The following FBXO15 variants were observed in gnomAD, a reference collection of about 807,000 sequenced individuals.
The protein encoded by FBXO15 is F-box only protein 15.
A neutral mutation model predicts 49.5 loss-of-function variants in FBXO15; 30 were observed. The observed-to-expected ratio is 0.61, with a 90% CI of 0.45 to 0.82. The LOEUF is 0.82. Among genes scored for constraint, FBXO15 ranks in the 40% least tolerant of loss-of-function variants. The pLI, the probability that FBXO15 is intolerant of heterozygous loss-of-function variation, is 0.00. For missense variants in FBXO15, 591 were observed against 631.5 expected, an observed-to-expected ratio of 0.94 and a Z score of 0.69; for synonymous variants, 250 against 232.7, an observed-to-expected ratio of 1.07 and a Z score of -0.68.
chr18:74,128,652 G>T (rs1041495493), intron 5 of FBXO15, among the ~76,000 whole-genome samples: 2 of 152,210 alleles, frequency 1.3e-5, no homozygotes, highest in African/African-American at 2.4e-5. Flanking sequence ...AGATGAGGAT[G>T]CTATGCATGC....
intron 8 of FBXO15, among the ~76,000 whole-genome samples, chr18:74,119,139 G>A (rs111887635): frequency 0.013 from 1,962 of 152,310 alleles, 46 homozygotes; most frequent in African/African-American, 0.044. Flanking sequence ...CACAAGAAGG[G>A]CCAGCCTGCA....
At position 74,131,260 on chromosome 18, in the gene FBXO15, T is replaced by C. The variant is rs187746542; in HGVS notation, c.333-602A>G. ...AAGCATCGTTTAACCACTTTATGTA[T>C]TATACATGACTCATTTATTCCTCAG... is the stretch of plus-strand genomic sequence containing the variant. On this transcript the variant is annotated intron_variant, in intron 3 of 9. Coordinates refer to ENST00000419743, the MANE Select transcript of FBXO15 (RefSeq NM_001142958.2). Among the ~76,000 whole-genome samples, 402 of 152,356 alleles carry C rather than the reference T, an allele frequency of 2.6e-3. 1 individual carries two copies. The highest frequency in any genetic ancestry group is 6.7e-3 in the Admixed American group (103 of 15,304).
At chr18:74,111,629 A>G (rs1914036134) in intron 8 of FBXO15, among the ~76,000 whole-genome samples, 1 of 152,090 alleles carries the variant, frequency 6.6e-6, no homozygotes, top group Non-Finnish European at 1.5e-5. Context: ...TTAAGAAACT[A>G]GAAAAATGTG....
chr18:74,110,469 C>T (rs554951865), intron 8 of FBXO15, among the ~76,000 whole-genome samples: 23 of 151,046 alleles, frequency 1.5e-4, no homozygotes, highest in Non-Finnish European at 2.4e-4. Context: ...CTACAAAATG[C>T]GGAAAAAGCA....
intron 1 of FBXO15, among the ~76,000 whole-genome samples, chr18:74,145,772 G>C (rs1355354994): frequency 6.6e-6 from 1 of 151,794 alleles, no homozygotes; most frequent in Non-Finnish European, 1.5e-5. Flanking sequence ...TAATTTTTTT[G>C]TATTTTTAGT....
chr18:74,079,693 C>G (rs2145101267), intron 9 of FBXO15, among the ~76,000 whole-genome samples: 1 of 152,312 alleles, frequency 6.6e-6, no homozygotes, highest in East Asian at 1.9e-4. Context: ...AACTTATGAT[C>G]TGTTGAGTTT....
At chr18:74,103,876 G>T (rs1913632818) in intron 8 of FBXO15, among the ~76,000 whole-genome samples, 1 of 152,132 alleles carries the variant, frequency 6.6e-6, no homozygotes, top group Non-Finnish European at 1.5e-5. Flanking sequence ...AATGCTAAAA[G>T]GAGTTATTCA....
intron 2 of FBXO15, among the ~76,000 whole-genome samples, chr18:74,138,025 G>A (rs994164475): frequency 2.0e-5 from 3 of 151,944 alleles, no homozygotes; most frequent in Admixed American, 2.0e-4. Context: ...TCTGCACAAG[G>A]ACCTCAGCCT....
chr18:74,120,584 G>A (rs1238047377), intron 8 of FBXO15, among the ~76,000 whole-genome samples: 1 of 151,938 alleles, frequency 6.6e-6, no homozygotes, highest in Non-Finnish European at 1.5e-5. Flanking sequence ...ATATATCAAA[G>A]AAGAAATAAA....
At chr18:74,084,156 G>A (rs1218871947) in intron 8 of FBXO15, among the ~76,000 whole-genome samples, 1 of 152,190 alleles carries the variant, frequency 6.6e-6, no homozygotes, top group East Asian at 1.9e-4. Context: ...AGATTCTCAT[G>A]TTTGTTTTCA....
chr18:74,079,625 C>T (rs143060249), intron 9 of FBXO15, among the ~76,000 whole-genome samples: 98 of 152,138 alleles, frequency 6.4e-4, no homozygotes, highest in African/African-American at 2.2e-3. Flanking sequence ...GAATAAAAAA[C>T]TGACCTACTT....
At position 74,147,664 on chromosome 18, in the gene FBXO15, A is replaced by G. The variant is rs890321026; in HGVS notation, c.116+6T>C. On this transcript the variant is annotated splice_donor_region_variant and intron_variant, in intron 1 of 9. Coordinates refer to ENST00000419743, the MANE Select transcript of FBXO15 (RefSeq NM_001142958.2). ...AGGGGACCCCACCCGCAGGCCCTAC[A>G]GTCACCTGCACCCAAAGGCCCTGGC... The G allele has an allele frequency of 1.2e-5, 18 of 1,450,422 alleles. No homozygotes were observed. Among genetic ancestry groups the G allele is most frequent in the Admixed American group, 5.5e-5 (2 of 36,696 alleles). The allele number at this position is 1,450,422 out of a possible 1,614,324, so 89.8% of individuals were successfully genotyped here. A position where few individuals can be genotyped will look rare whatever the true frequency, so the allele number is the denominator to read the frequency against.
intron 9 of FBXO15, among the ~76,000 whole-genome samples, chr18:74,078,331 C>CA (rs1160998537): frequency 6.8e-6 from 1 of 147,926 alleles, no homozygotes; most frequent in African/African-American, 2.5e-5. Context: ...GTTTCAAGGC[C>CA]CCCCCCCGAC....
chr18:74,081,836 A>C lies in FBXO15; in HGVS notation c.1263+91T>G, dbSNP rs891182291. 5 of 895,458 alleles carry C rather than the reference A, an allele frequency of 5.6e-6. No homozygotes were observed. The African/African-American group carries it at 8.6e-5, about 15-fold the overall frequency. The allele number at this position is 895,458 out of a possible 1,614,324, so 55.5% of individuals were successfully genotyped here. A position where few individuals can be genotyped will look rare whatever the true frequency, so the allele number is the denominator to read the frequency against. Reference sequence around the variant, plus strand: ...CAGAACTATAAAAGAAACATCATACATATATGACAATATAATTTATATATA... The same window carrying C: ...CAGAACTATAAAAGAAACATCATACCTATATGACAATATAATTTATATATA... On this transcript the variant is annotated intron_variant, in intron 9 of 9. Coordinates refer to ENST00000419743, the MANE Select transcript of FBXO15 (RefSeq NM_001142958.2).
At chr18:74,113,567 T>C (rs1247896400) in intron 8 of FBXO15, among the ~76,000 whole-genome samples, 1 of 152,182 alleles carries the variant, frequency 6.6e-6, no homozygotes, top group Non-Finnish European at 1.5e-5. Context: ...TTCCTCCCAG[T>C]TTTGCTGTGA....
intron 2 of FBXO15, among the ~76,000 whole-genome samples, chr18:74,139,249 C>T (rs1394078267): frequency 6.6e-6 from 1 of 152,188 alleles, no homozygotes; most frequent in African/African-American, 2.4e-5. Flanking sequence ...ATCTGCCTCC[C>T]CGACTAATCA....
At chr18:74,095,005 G>A (rs951380616) in intron 8 of FBXO15, among the ~76,000 whole-genome samples, 3 of 152,188 alleles carry the variant, frequency 2.0e-5, no homozygotes, top group African/African-American at 7.2e-5. Context: ...GATATTTCTT[G>A]TTTTCTTAAA....
chr18:74,139,439 G>A (rs576978910), intron 2 of FBXO15, among the ~76,000 whole-genome samples: 25 of 152,322 alleles, frequency 1.6e-4, no homozygotes, highest in African/African-American at 6.0e-4. Context: ...GTTTTAAGCT[G>A]AAATTAATGT....
chr18:74,136,547 A>C (rs1978737964), intron 2 of FBXO15, among the ~76,000 whole-genome samples: 1 of 152,194 alleles, frequency 6.6e-6, no homozygotes, highest in Admixed American at 6.5e-5. Context: ...CACCGATCCC[A>C]GGCGCCACCT....
Sources: allele counts gnomAD v4.1 joint callset (sites outside exome capture counted in the v4.1 genomes callset), GRCh38; gene constraint gnomAD v4.1.1; transcripts MANE v1.5; gene names NCBI Gene and HGNC (gene_info 2026-07-23, HGNC 2026-07-21).